LEPR: variants seen among roughly 807,000 people sequenced by gnomAD.
LEPR encodes OB receptor.
LEPR carries 56 observed loss-of-function variants against 114.7 expected under a neutral mutation model. The observed-to-expected ratio is 0.49, with a 90% CI of 0.39 to 0.61. The LOEUF (loss-of-function observed/expected upper bound fraction) is 0.61, where lower values mean the gene tolerates loss of function less well. Among genes scored for constraint, LEPR ranks in the 20% least tolerant of loss-of-function variants. The probability of loss-of-function intolerance (pLI) is 0.00; values close to 1 mark genes in which losing one functional copy is unlikely to be tolerated. For synonymous variants in LEPR, 443 were observed against 461.4 expected (o/e 0.96, Z 0.51); for missense variants, 1,202 against 1,352.9 (o/e 0.89, Z 1.75).
Position 65,435,273 on chromosome 1 carries a change from T to C in LEPR, c.-21+9895T>C, listed in dbSNP as rs1646542830. On this transcript the variant is annotated intron_variant, in intron 2 of 19. Coordinates refer to ENST00000349533, the MANE Select transcript of LEPR (RefSeq NM_002303.6). ...TGAGGTATCTCCTCAATGAATACTG[T>C]TTTCAAGGCTGAAATAGTTCATTAT... 5.1e-6 allele frequency: 5 copies of C among 985,110 alleles called. No homozygotes were observed. In the South Asian group the frequency reaches 2.3e-4, roughly 46 times the overall value. The allele number at this position is 985,110 out of a possible 1,614,324, so 61.0% of individuals were successfully genotyped here.
chr1:65,556,534 C>T (rs1028334828), intron 2 of LEPR, among the ~76,000 whole-genome samples: 27 of 152,242 alleles, frequency 1.8e-4, no homozygotes, highest in African/African-American at 6.0e-4. Context: ...TGTGCTTCCT[C>T]ATGGCGTTGA....
At chr1:65,510,587 C>T (rs1013583431) in intron 2 of LEPR, among the ~76,000 whole-genome samples, 1 of 152,184 alleles carries the variant, frequency 6.6e-6, no homozygotes, top group African/African-American at 2.4e-5. Flanking sequence ...ACCCCATAAC[C>T]CTCATCTATT....
In LEPR at chr1:65,588,602, A is replaced by G. The variant is rs147888947; in HGVS notation, c.495-4055A>G. Among the ~76,000 whole-genome samples, 437 of 151,764 alleles carry G rather than the reference A, an allele frequency of 2.9e-3. 2 individuals are homozygous for G. The highest frequency in any genetic ancestry group is 1.0e-2 in the African/African-American group (413 of 41,392). On this transcript the variant is annotated intron_variant, in intron 5 of 19. Transcript: ENST00000349533. ...CATTGGTACTTCCTCCTCCCACCCC[A>G]CCTCTGTCCCCAGGGAATGGCTGAT...
At position 65,636,796 on chromosome 1, in the gene LEPR, T is replaced by C. The variant is rs1658734500; in HGVS notation, c.3279T>C (p.Leu1093=). The C allele has an allele frequency of 5.6e-6, 9 of 1,614,046 alleles. No homozygotes were observed. The highest frequency in any genetic ancestry group is 7.6e-6 in the Non-Finnish European group (9 of 1,179,994). ...TCAAAAAGAGAGAGAGTGGTGTGCT[T>C]TTGACTGACAAGTCAAGGGTATCGT... ...TSIKKRESGV[L]LTDKSRVSCP... The change falls in exon 20 of 20, where the codon CTT becomes CTC. Residue 1093 remains leucine (L), a synonymous_variant. Transcript: ENST00000349533.
chr1:65,436,013 G>C, intron 2 of LEPR: 1 of 982,888 alleles, frequency 1.0e-6, no homozygotes, highest in Non-Finnish European at 1.2e-6. Flanking sequence ...TTTAACAAAG[G>C]CTTTTATGTA....
rs1392754333 is a variant in LEPR at position 65,492,070 on chromosome 1, C to CAA, written c.-21+66692_-21+66693insAA. 5.3e-4 allele frequency among the ~76,000 whole-genome samples: 80 copies of CAA among 152,162 alleles called. 2 individuals are homozygous for CAA. The highest frequency in any genetic ancestry group is 7.4e-5 in the Non-Finnish European group (5 of 67,970). The stretch of plus-strand genomic sequence containing the variant: ...TGTTAATTATAAACAATTTCTTGTG[C>CAA]TCCTTTCTGTACTGTGGGTATTTAC... On this transcript the variant is annotated intron_variant, in intron 2 of 19. Coordinates refer to ENST00000349533, the MANE Select transcript of LEPR (RefSeq NM_002303.6).
chr1:65,547,151 T>A (rs1241203981), intron 2 of LEPR, among the ~76,000 whole-genome samples: 1 of 151,486 alleles, frequency 6.6e-6, no homozygotes, highest in Non-Finnish European at 1.5e-5. Flanking sequence ...ATCCCAGGGA[T>A]GAAGCCCACT....
chr1:65,598,255 T>C (rs998617833), intron 7 of LEPR, among the ~76,000 whole-genome samples: 3 of 151,932 alleles, frequency 2.0e-5, no homozygotes, highest in African/African-American at 7.3e-5. Flanking sequence ...CTTAAGACTT[T>C]TCATGCTCTT....
intron 2 of LEPR, among the ~76,000 whole-genome samples, chr1:65,485,873 C>T (rs1375225604): frequency 1.3e-5 from 2 of 152,042 alleles, no homozygotes; most frequent in African/African-American, 4.8e-5. Context: ...CGTAATTAAG[C>T]CTGTTGGGAA....
At chr1:65,432,553 C>T in intron 2 of LEPR, 7 of 893,544 alleles carry the variant, frequency 7.8e-6, no homozygotes, top group Non-Finnish European at 9.3e-6. Flanking sequence ...TGGGTGTTAC[C>T]TGCTCATTTG....
chr1:65,516,767 G>T (rs142131649), intron 2 of LEPR, among the ~76,000 whole-genome samples: 34 of 152,222 alleles, frequency 2.2e-4, no homozygotes, highest in African/African-American at 7.9e-4. Context: ...TAATTGTATT[G>T]GTGAATTCTT....
At chr1:65,621,613 G>C (rs1351076207) in intron 18 of LEPR, among the ~76,000 whole-genome samples, 155 bp downstream of exon 18, 1 of 152,190 alleles carries the variant, frequency 6.6e-6, no homozygotes, top group Non-Finnish European at 1.5e-5. Context: ...GGAAAGGCCT[G>C]TTGTGAGGAA....
At chr1:65,600,777 A>G (rs373382870) in intron 8 of LEPR, among the ~76,000 whole-genome samples, 44 of 152,112 alleles carry the variant, frequency 2.9e-4, no homozygotes, top group East Asian at 7.7e-4. Flanking sequence ...ACCCTCATCC[A>G]TAGGATATTG....
chr1:65,452,417 G>C lies in LEPR; in HGVS notation c.-21+27039G>C, dbSNP rs540516356. 4.3e-3 allele frequency among the ~76,000 whole-genome samples: 654 copies of C among 151,068 alleles called. 3 individuals carry two copies. Among genetic ancestry groups the C allele is most frequent in the African/African-American group, 0.015 (618 of 41,104 alleles). ...TCAGTATGATATTGGCTGTGGGTTT[G>C]TCATAGATAGCTCTTATTATTTTGA... On this transcript the variant is annotated intron_variant, in intron 2 of 19. Transcript: ENST00000349533.
rs544399746 is a variant in LEPR, at chr1:65,569,924, TG to T, written c.41-546del. ...ATGATGTTTTGTATTTGGAGGATCA[TG>T]GGAAAATTCAGGAGATCATCAAGCC... On this transcript the variant is annotated intron_variant, in intron 3 of 19. Coordinates refer to ENST00000349533, the MANE Select transcript of LEPR (RefSeq NM_002303.6). Among the ~76,000 whole-genome samples, 318 of 150,788 alleles carry T rather than the reference TG, an allele frequency of 2.1e-3. 3 individuals are homozygous for T. The highest frequency in any genetic ancestry group is 7.2e-3 in the African/African-American group (294 of 41,102).
At chr1:65,472,445 C>CAT (rs1491551499) in intron 2 of LEPR, among the ~76,000 whole-genome samples, 2 of 131,794 alleles carry the variant, frequency 1.5e-5, no homozygotes, top group Non-Finnish European at 3.1e-5. Context: ...CACACACACA[C>CAT]GTGTGTATAT....
chr1:65,434,557 T>G, intron 2 of LEPR: 2 of 985,272 alleles, frequency 2.0e-6, no homozygotes, highest in Non-Finnish European at 2.4e-6. Flanking sequence ...TCAACTCTAA[T>G]ATACCTAACC....
chr1:65,616,904 T>A (rs1657561142), intron 15 of LEPR, among the ~76,000 whole-genome samples: 1 of 152,212 alleles, frequency 6.6e-6, no homozygotes, highest in Non-Finnish European at 1.5e-5. Flanking sequence ...ATGAAATCTT[T>A]GCTTATTGCT....
At chr1:65,526,297 C>A (rs78114644) in intron 2 of LEPR, 20 of 985,306 alleles carry the variant, frequency 2.0e-5, no homozygotes, top group Admixed American at 6.2e-5. Context: ...CCACCTCCCC[C>A]CTTCCCTGCA....
Sources: allele counts gnomAD v4.1 joint callset (sites outside exome capture counted in the v4.1 genomes callset), GRCh38; gene constraint gnomAD v4.1.1; transcripts MANE v1.5; gene names NCBI Gene and HGNC (gene_info 2026-07-23, HGNC 2026-07-21).